GNAI3: variants seen among roughly 807,000 people sequenced by gnomAD.
The protein encoded by GNAI3 is G protein subunit alpha i3, also known as guanine nucleotide-binding protein G(i) subunit alpha-3.
GNAI3 carries 12 observed loss-of-function variants against 41.8 expected under a neutral mutation model. The ratio of observed to expected loss-of-function variants is 0.29; its 90% CI spans 0.18 to 0.47. The LOEUF (loss-of-function observed/expected upper bound fraction) is 0.47. Ranked by LOEUF, GNAI3 falls within the 20% of genes least tolerant of loss-of-function variation. The pLI is 1.00. For missense variants in GNAI3, 360 were observed against 429.6 expected, an observed-to-expected ratio of 0.84 and a Z score of 1.43; for synonymous variants, 132 against 146.5, an observed-to-expected ratio of 0.90 and a Z score of 0.71.
At position 109,554,226 on chromosome 1, in the gene GNAI3, T is replaced by C. The variant is rs188731455; in HGVS notation, c.118+5388T>C. On this transcript the variant is annotated intron_variant, in intron 1 of 8. Transcript: ENST00000369851. Reference sequence around the variant, plus strand: ...AGTATCTTTTTTGTATAATGGCTTCTTTCCTCAGGGTAGATACTCAGGAGT... The same window carrying C: ...AGTATCTTTTTTGTATAATGGCTTCCTTCCTCAGGGTAGATACTCAGGAGT... Among the ~76,000 whole-genome samples the C allele has an allele frequency of 1.3e-3, 204 of 152,334 alleles. 1 individual carries two copies. Among genetic ancestry groups the C allele is most frequent in the Admixed American group, 0.012 (184 of 15,304 alleles).
chr1:109,565,293 C>G (rs1238965933), intron 1 of GNAI3, among the ~76,000 whole-genome samples: 1 of 150,516 alleles, frequency 6.6e-6, no homozygotes, highest in Non-Finnish European at 1.5e-5. Flanking sequence ...TCTCACTGAA[C>G]AAATAATAAA....
At chr1:109,587,227 A>C (rs1649051550) in intron 7 of GNAI3, among the ~76,000 whole-genome samples, 1 of 152,170 alleles carries the variant, frequency 6.6e-6, no homozygotes, top group Admixed American at 6.5e-5. Context: ...AGATCAGTCT[A>C]GGCAACATAG....
At chr1:109,569,446 C>A (rs759371141) in intron 1 of GNAI3, among the ~76,000 whole-genome samples, 2 of 152,092 alleles carry the variant, frequency 1.3e-5, no homozygotes, top group Non-Finnish European at 2.9e-5. Context: ...ATAAAAGATG[C>A]AGATAAAATT....
In GNAI3 at chr1:109,586,348, A is replaced by G. The variant is rs1649031517; in HGVS notation, c.720+3A>G. The G allele has an allele frequency of 3.1e-6, 5 of 1,610,000 alleles. No homozygotes were observed. Among genetic ancestry groups the G allele is most frequent in the African/African-American group, 1.3e-5 (1 of 74,796 alleles). ...TTCTGGCTGAGGACGAGGAGATGGT[A>G]TGTTGGAGCTTCTGGTAAAAAGCCT... On this transcript the variant is annotated splice_donor_region_variant and intron_variant, in intron 6 of 8. Transcript: ENST00000369851.
At chr1:109,559,192 AAAAAG>A (rs2101091691) in intron 1 of GNAI3, among the ~76,000 whole-genome samples, 1 of 152,280 alleles carries the variant, frequency 6.6e-6, no homozygotes, top group Admixed American at 6.5e-5. Context: ...AAAAGAAAAA[AAAAAG>A]AAAAGAAAAA....
intron 1 of GNAI3, among the ~76,000 whole-genome samples, chr1:109,568,225 C>A (rs1056230772): frequency 6.6e-6 from 1 of 152,004 alleles, no homozygotes; most frequent in Non-Finnish European, 1.5e-5. Context: ...GCTCAGAGAT[C>A]TTTTTAAAAA....
At chr1:109,563,212 T>A (rs548797379) in intron 1 of GNAI3, among the ~76,000 whole-genome samples, 139 of 152,220 alleles carry the variant, frequency 9.1e-4, no homozygotes, top group African/African-American at 3.2e-3. Context: ...TGAAACTCCG[T>A]CTCTACTAAA....
At position 109,563,410 on chromosome 1, in the gene GNAI3, C is replaced by T. The variant is rs116395769; in HGVS notation, c.119-10327C>T. On this transcript the variant is annotated intron_variant, in intron 1 of 8. Coordinates refer to ENST00000369851, the MANE Select transcript of GNAI3 (RefSeq NM_006496.4). Reference sequence around the variant, plus strand: ...AGAAGACAAACAAACAAACAAAAAACGTTGAGGCAGCCAGAGGATGATCCC... The same window carrying T: ...AGAAGACAAACAAACAAACAAAAAATGTTGAGGCAGCCAGAGGATGATCCC... Among the ~76,000 whole-genome samples the T allele has an allele frequency of 3.9e-3, 594 of 152,164 alleles. 5 individuals carry two copies. Among genetic ancestry groups the T allele is most frequent in the African/African-American group, 0.013 (558 of 41,536 alleles).
chr1:109,578,470 C>CAA (rs35519193), intron 3 of GNAI3, among the ~76,000 whole-genome samples: 28 of 84,230 alleles, frequency 3.3e-4, no homozygotes, highest in African/African-American at 6.5e-4. Flanking sequence ...AACTCCGTCT[C>CAA]AAAAAAAAAA....
chr1:109,585,492 A>T (rs1468866290), intron 5 of GNAI3, among the ~76,000 whole-genome samples: 1 of 152,222 alleles, frequency 6.6e-6, no homozygotes, highest in Non-Finnish European at 1.5e-5. Flanking sequence ...GAATCCTACC[A>T]TAAAAATATA....
At position 109,595,897 on chromosome 1, in the gene GNAI3, G is replaced by A. The variant is rs1013639833; in HGVS notation, c.*3575G>A. ...CCTAAAACGTCACTGTTTTCCTTGA[G>A]CGTTAGTACTTGTGGGTTCTTTCCT... On this transcript the variant is annotated 3_prime_UTR_variant, in exon 9 of 9. Coordinates refer to ENST00000369851, the MANE Select transcript of GNAI3 (RefSeq NM_006496.4). 5 of 151,454 alleles carry A rather than the reference G, an allele frequency of 3.3e-5. No homozygotes were observed. The highest frequency in any genetic ancestry group is 7.4e-5 in the Non-Finnish European group (5 of 67,918). 9.4% of individuals were successfully genotyped at this position (151,454 alleles called of 1,614,324 possible).
At chr1:109,557,591 G>A (rs1342200632) in intron 1 of GNAI3, among the ~76,000 whole-genome samples, 1 of 152,174 alleles carries the variant, frequency 6.6e-6, no homozygotes, top group Non-Finnish European at 1.5e-5. Context: ...TATGTACATG[G>A]ACTGTGATAC....
intron 7 of GNAI3, among the ~76,000 whole-genome samples, chr1:109,587,804 G>C (rs1557912315): frequency 6.6e-6 from 1 of 152,124 alleles, no homozygotes; most frequent in Non-Finnish European, 1.5e-5. Flanking sequence ...AATAAAGATA[G>C]ATAGTAGGGG....
chr1:109,569,852 T>C (rs1648548150), intron 1 of GNAI3, among the ~76,000 whole-genome samples: 1 of 151,814 alleles, frequency 6.6e-6, no homozygotes. Context: ...GTAGGATTAA[T>C]GAGATAGGTA....
chr1:109,593,685 T>C lies in GNAI3; in HGVS notation c.*1363T>C, dbSNP rs1649225015. ...TTGTTGAACCTTAGGTTTTATGTTA[T>C]ATCTGCATATGAGTGATATGTGATC... On this transcript the variant is annotated 3_prime_UTR_variant, in exon 9 of 9. Transcript: ENST00000369851. The C allele has an allele frequency of 6.7e-6, 1 of 148,236 alleles. No individual in the cohort carries two copies. Among genetic ancestry groups the C allele is most frequent in the East Asian group, 2.1e-4 (1 of 4,696 alleles). 9.2% of individuals were successfully genotyped at this position (148,236 alleles called of 1,614,324 possible). A position where few individuals can be genotyped will look rare whatever the true frequency, so the allele number is the denominator to read the frequency against.
At chr1:109,587,056 C>T (rs1320279451) in intron 7 of GNAI3, among the ~76,000 whole-genome samples, 174 bp downstream of exon 7, 1 of 151,890 alleles carries the variant, frequency 6.6e-6, no homozygotes, top group Non-Finnish European at 1.5e-5. Flanking sequence ...AGTGCCATAT[C>T]AGACACAATT....
At position 109,600,181 on chromosome 1, in the gene GNAI3, G is replaced by A. The variant is rs934913229; in HGVS notation, c.*7859G>A. On this transcript the variant is annotated 3_prime_UTR_variant, in exon 9 of 9. Coordinates refer to ENST00000369851, the MANE Select transcript of GNAI3 (RefSeq NM_006496.4). ...AAAGTAAATAAAAATTCAACAGTAC[G>A]GTGTAAATTTAAAATGAGGCAAAAG... The A allele has an allele frequency of 2.6e-5, 4 of 150,952 alleles. No homozygotes were observed. Among genetic ancestry groups the A allele is most frequent in the Admixed American group, 6.6e-5 (1 of 15,118 alleles). 9.4% of individuals were successfully genotyped at this position (150,952 alleles called of 1,614,324 possible).
intron 1 of GNAI3, among the ~76,000 whole-genome samples, chr1:109,552,769 A>G (rs1181211825): frequency 6.6e-6 from 1 of 151,810 alleles, no homozygotes; most frequent in East Asian, 1.9e-4. Context: ...TTTTTCACCA[A>G]GCTCTTTCAG....
At chr1:109,559,772 A>G (rs1042304750) in intron 1 of GNAI3, among the ~76,000 whole-genome samples, 2 of 152,222 alleles carry the variant, frequency 1.3e-5, no homozygotes, top group South Asian at 2.1e-4. Context: ...AGTTAAAGTT[A>G]TCTTTAAGCA....
Sources: allele counts gnomAD v4.1 joint callset (sites outside exome capture counted in the v4.1 genomes callset), GRCh38; gene constraint gnomAD v4.1.1; transcripts MANE v1.5; gene names NCBI Gene and HGNC (gene_info 2026-07-23, HGNC 2026-07-21).